Variants in MTMR6 observed in about 807,000 individuals in gnomAD.
MTMR6 encodes myotubularin related protein 6, also known as phosphatidylinositol-3,5-bisphosphate 3-phosphatase MTMR6.
In MTMR6, 47 loss-of-function variants were observed where a neutral mutation model predicts 80.1. That is an observed-to-expected ratio of 0.59 (90% confidence interval 0.46 to 0.75). The LOEUF is 0.75. Ranked by LOEUF, MTMR6 falls within the 30% of genes least tolerant of loss-of-function variation. The pLI, the probability that MTMR6 is intolerant of heterozygous loss-of-function variation, is 0.00. For missense variants in MTMR6, 629 were observed against 730.9 expected (o/e 0.86, Z 1.61); for synonymous variants, 254 against 253.0 (o/e 1.00, Z -0.04).
chr13:25,257,886 G>C (rs752460874), intron 7 of MTMR6, 41 bp from the exon 8 acceptor site: 2 of 1,414,290 alleles, frequency 1.4e-6, no homozygotes, highest in East Asian at 2.3e-5. Flanking sequence ...AATATGGCTA[G>C]AGTTTCTGCA....
chr13:25,270,480 C>T (rs1349295234), intron 2 of MTMR6, among the ~76,000 whole-genome samples: 1 of 152,138 alleles, frequency 6.6e-6, no homozygotes, highest in Non-Finnish European at 1.5e-5. Context: ...ACTACATTCC[C>T]AGCAGCTGAG....
chr13:25,285,172 C>T (rs1288924712), intron 1 of MTMR6, among the ~76,000 whole-genome samples: 1 of 152,048 alleles, frequency 6.6e-6, no homozygotes, highest in Non-Finnish European at 1.5e-5. Context: ...ATGAAAGTCA[C>T]CAGTGACAAC....
chr13:25,285,073 T>C (rs1957928030), intron 1 of MTMR6, among the ~76,000 whole-genome samples: 1 of 152,204 alleles, frequency 6.6e-6, no homozygotes, highest in African/African-American at 2.4e-5. Flanking sequence ...ACCACTAGCA[T>C]GAGACCACTG....
At chr13:25,262,461 G>A (rs922272673) in intron 5 of MTMR6, among the ~76,000 whole-genome samples, 2 of 152,118 alleles carry the variant, frequency 1.3e-5, no homozygotes, top group African/African-American at 4.8e-5. Context: ...TTGACCTCCT[G>A]GGCTCAAGCA....
Position 25,253,750 on chromosome 13 carries a change from T to C in MTMR6, c.1346+14A>G, listed in dbSNP as rs760360801. ...TAGGGGGAAAAGGAGACTCTTTTAA[T>C]TGAATCATCTTACTTGAGCTCTTCT... On this transcript the variant is annotated intron_variant, in intron 11 of 13. Coordinates refer to ENST00000381801, the MANE Select transcript of MTMR6 (RefSeq NM_004685.5). The C allele has an allele frequency of 3.1e-6, 5 of 1,609,830 alleles. No individual in the cohort carries two copies. The highest frequency in any genetic ancestry group is 2.2e-5 in the South Asian group (2 of 90,812).
At chr13:25,278,129 C>A (rs763226720) in intron 1 of MTMR6, among the ~76,000 whole-genome samples, 2 of 152,170 alleles carry the variant, frequency 1.3e-5, no homozygotes, top group African/African-American at 4.8e-5. Flanking sequence ...TCATCTTATG[C>A]AACTGACATT....
At chr13:25,278,306 A>G (rs1461551095) in intron 1 of MTMR6, among the ~76,000 whole-genome samples, 1 of 152,080 alleles carries the variant, frequency 6.6e-6, no homozygotes, top group Admixed American at 6.6e-5. Context: ...AAAATGCACA[A>G]CTGCTACCGG....
At chr13:25,285,660 A>G (rs1957941744) in intron 1 of MTMR6, among the ~76,000 whole-genome samples, 2 of 151,962 alleles carry the variant, frequency 1.3e-5, no homozygotes, top group South Asian at 4.2e-4. Context: ...TCAGCCTCTG[A>G]GTAGCTGGGA....
chr13:25,268,734 A>G (rs1390264476), intron 2 of MTMR6, among the ~76,000 whole-genome samples: 1 of 152,164 alleles, frequency 6.6e-6, no homozygotes, highest in Non-Finnish European at 1.5e-5. Context: ...CGCGCTCTGC[A>G]GAGCAGGCAA....
intron 1 of MTMR6, 70 bp downstream of exon 1, chr13:25,287,154 C>T: frequency 3.9e-6 from 6 of 1,546,910 alleles, no homozygotes; most frequent in Non-Finnish European, 2.6e-6. Flanking sequence ...CCAGCAGAGC[C>T]TTCGTCTCCT....
chr13:25,263,502 C>G (rs984935120), intron 5 of MTMR6, among the ~76,000 whole-genome samples: 6 of 152,220 alleles, frequency 3.9e-5, no homozygotes, highest in Non-Finnish European at 5.9e-5. Context: ...TGACATCACT[C>G]TTCTCACCCT....
At chr13:25,270,662 G>A (rs1341089128) in intron 2 of MTMR6, among the ~76,000 whole-genome samples, 2 of 152,200 alleles carry the variant, frequency 1.3e-5, no homozygotes, top group African/African-American at 4.8e-5. Context: ...AACACTGGAT[G>A]AAGAAGGGAT....
At chr13:25,279,594 C>A (rs1483912495) in intron 1 of MTMR6, among the ~76,000 whole-genome samples, 5 of 152,058 alleles carry the variant, frequency 3.3e-5, no homozygotes, top group Non-Finnish European at 1.5e-5. Context: ...GTAGGTAGAG[C>A]CCTGACAGTC....
rs112661973 is a variant in MTMR6, at chr13:25,262,349, C to T, written c.592-547G>A. Among the ~76,000 whole-genome samples, 480 of 152,196 alleles carry T rather than the reference C, an allele frequency of 3.2e-3. 2 individuals carry two copies. Among genetic ancestry groups the T allele is most frequent in the Non-Finnish European group, 5.8e-3 (392 of 68,016 alleles). Reference sequence around the variant, plus strand: ...TCTATAAGTAGTGAGTGGTTGGATTCATTATTTACTGTTTTTTGTTTGGCT... The same window carrying T: ...TCTATAAGTAGTGAGTGGTTGGATTTATTATTTACTGTTTTTTGTTTGGCT... On this transcript the variant is annotated intron_variant, in intron 5 of 13. Coordinates refer to ENST00000381801, the MANE Select transcript of MTMR6 (RefSeq NM_004685.5).
At chr13:25,273,419 T>C (rs75126351) in intron 2 of MTMR6, among the ~76,000 whole-genome samples, 10,247 of 152,116 alleles carry the variant, frequency 0.067, 416 homozygotes, top group Admixed American at 0.094. Context: ...ATAAGTACCC[T>C]AATTAAAATT....
rs1169296271 is a variant in MTMR6, at chr13:25,254,076, T to C, written c.1146-112A>G. The C allele has an allele frequency of 2.7e-6, 3 of 1,098,096 alleles. No homozygotes were observed. In the Admixed American group the frequency reaches 8.4e-5, roughly 31 times the overall value. 68.0% of individuals were successfully genotyped at this position (1,098,096 alleles called of 1,614,324 possible). A position where few individuals can be genotyped will look rare whatever the true frequency, so the allele number is the denominator to read the frequency against. ...TTCCTAAAGCACTGTTACATTAGCA[T>C]GCAAAACTAGAATTTTTATTGAAAC... On this transcript the variant is annotated intron_variant, in intron 10 of 13. Coordinates refer to ENST00000381801, the MANE Select transcript of MTMR6 (RefSeq NM_004685.5).
rs1459228213 is a variant in MTMR6 at position 25,251,164 on chromosome 13, G to A, written c.1605+485C>T. On this transcript the variant is annotated intron_variant, in intron 13 of 13. Coordinates refer to ENST00000381801, the MANE Select transcript of MTMR6 (RefSeq NM_004685.5). The surrounding 1 kb of genome is among the most constrained non-coding windows in gnomAD (Gnocchi z 4.1). ...CCCAAGTAGCTGGGATTACAGGCAT[G>A]CGCCACCATGCCCGGCTACTTTTTT... 6.6e-6 allele frequency among the ~76,000 whole-genome samples: 1 copy of A among 152,092 alleles called. No individual in the cohort carries two copies. Among genetic ancestry groups the A allele is most frequent in the African/African-American group, 2.4e-5 (1 of 41,406 alleles).
chr13:25,270,092 A>G (rs1014220824), intron 2 of MTMR6, among the ~76,000 whole-genome samples: 3 of 152,198 alleles, frequency 2.0e-5, no homozygotes, highest in African/African-American at 7.2e-5. Context: ...CTGAAATCTG[A>G]AATGCTCCAA....
Position 25,253,986 on chromosome 13 carries a change from G to A in MTMR6, c.1146-22C>T, listed in dbSNP as rs1418156205. The A allele has an allele frequency of 3.7e-6, 6 of 1,611,326 alleles. No individual in the cohort carries two copies. The South Asian group carries it at 5.5e-5, about 15-fold the overall frequency. ...ACACCTAACCCCACAGAAAGTATAA[G>A]CTTTTAAAAACACCTCTGAAAGGTC... On this transcript the variant is annotated intron_variant, in intron 10 of 13. Coordinates refer to ENST00000381801, the MANE Select transcript of MTMR6 (RefSeq NM_004685.5).
Sources: allele counts gnomAD v4.1 joint callset (sites outside exome capture counted in the v4.1 genomes callset), GRCh38; gene constraint gnomAD v4.1.1; non-coding constraint Gnocchi (gnomAD v3.1); transcripts MANE v1.5; gene names NCBI Gene and HGNC (gene_info 2026-07-23, HGNC 2026-07-21).